The following EPB41L2 variants were observed in gnomAD, a reference collection of about 807,000 sequenced individuals.
The protein encoded by EPB41L2 is erythrocyte membrane protein band 4.1 like 2.
A neutral mutation model predicts 113.0 loss-of-function variants in EPB41L2; 43 were observed. The observed-to-expected ratio is 0.38, with a 90% confidence interval of 0.30 to 0.49. The LOEUF (loss-of-function observed/expected upper bound fraction) is 0.49, where lower values mean the gene tolerates loss of function less well. EPB41L2 is among the 20% of genes least tolerant of loss of function. The pLI is 0.95. For missense variants in EPB41L2, 1,147 were observed against 1,223.4 expected, an observed-to-expected ratio of 0.94 and a Z score of 0.93; for synonymous variants, 442 against 436.7, an observed-to-expected ratio of 1.01 and a Z score of -0.15.
chr6:131,052,959 G>A (rs185945709), intron 1 of EPB41L2, among the ~76,000 whole-genome samples: 326 of 151,980 alleles, frequency 2.1e-3, no homozygotes, highest in Non-Finnish European at 3.6e-3. Flanking sequence ...GCTATGGTGC[G>A]ATCTTGGCTC....
chr6:130,858,604 G>A (rs1021482320), intron 18 of EPB41L2, among the ~76,000 whole-genome samples: 6 of 152,192 alleles, frequency 3.9e-5, no homozygotes, highest in African/African-American at 1.4e-4. Context: ...ATCATTTTAA[G>A]GTTTTCTGTG....
chr6:130,947,017 A>ACCCCCCCCC (rs58960778), intron 3 of EPB41L2, among the ~76,000 whole-genome samples: 7 of 112,026 alleles, frequency 6.2e-5, no homozygotes, highest in African/African-American at 1.7e-4. Flanking sequence ...AATAAAGAAG[A>ACCCCCCCCC]CCCCCCCCCC....
intron 4 of EPB41L2, among the ~76,000 whole-genome samples, chr6:130,912,876 T>G (rs1799856432): frequency 6.6e-6 from 1 of 151,784 alleles, no homozygotes; most frequent in Non-Finnish European, 1.5e-5. Context: ...CGAAATTGAA[T>G]GGCGCCAAAT....
intron 3 of EPB41L2, among the ~76,000 whole-genome samples, chr6:130,947,845 T>C (rs1457761602): frequency 6.6e-6 from 1 of 152,100 alleles, no homozygotes; most frequent in East Asian, 1.9e-4. Flanking sequence ...AAAAGGAAAA[T>C]GCAATAAAAT....
intron 1 of EPB41L2, among the ~76,000 whole-genome samples, chr6:131,044,070 G>A (rs1794973741): frequency 7.1e-6 from 1 of 141,206 alleles, no homozygotes; most frequent in African/African-American, 2.6e-5. Context: ...TGTCCAGGTT[G>A]GAGTGCAGTA....
At position 130,956,036 on chromosome 6, in the gene EPB41L2, C is replaced by A; in HGVS notation, c.450G>T (p.Val150=). ...KVEVKEEKPS[V]SKEEKPSVSK... ...TCACTGAGGGTTTTTCTTCCTTGCTCACTGAGGGTTTTTCTTCCTTGACTT... is the reference window on the plus strand; with the variant it reads ...TCACTGAGGGTTTTTCTTCCTTGCTAACTGAGGGTTTTTCTTCCTTGACTT... Residue 150 remains valine (V), a synonymous_variant, in exon 2 of 20, where the codon GTG becomes GTT. Coordinates refer to ENST00000337057, the MANE Select transcript of EPB41L2 (RefSeq NM_001431.4). 6.2e-7 allele frequency: 1 copy of A among 1,613,650 alleles called. No homozygotes were observed. Among genetic ancestry groups the A allele is most frequent in the South Asian group, 1.1e-5 (1 of 90,956 alleles).
At position 130,960,878 on chromosome 6, in the gene EPB41L2, G is replaced by A. The variant is rs183646793; in HGVS notation, c.-14-4379C>T. 4.4e-4 allele frequency among the ~76,000 whole-genome samples: 67 copies of A among 152,246 alleles called. 1 individual carries two copies. Among genetic ancestry groups the A allele is most frequent in the Admixed American group, 4.0e-3 (61 of 15,284 alleles). On this transcript the variant is annotated intron_variant, in intron 1 of 19. Coordinates refer to ENST00000337057, the MANE Select transcript of EPB41L2 (RefSeq NM_001431.4). ...GGAATGCTGACATTCCCACTAAAAT[G>A]AAAACTCCATGAGGGCTGGGATCTC...
At position 130,954,036 on chromosome 6, in the gene EPB41L2, C is replaced by CTT. The variant is rs1816328530; in HGVS notation, c.705+1067_705+1068dup. 5.7e-4 allele frequency among the ~76,000 whole-genome samples: 26 copies of CTT among 45,522 alleles called. 1 individual carries two copies. The highest frequency in any genetic ancestry group is 1.5e-3 in the African/African-American group (25 of 17,184). 29.9% of individuals were successfully genotyped at this position (45,522 alleles called of 152,430 possible). A position where few individuals can be genotyped will look rare whatever the true frequency, so the allele number is the denominator to read the frequency against. On this transcript the variant is annotated intron_variant, in intron 3 of 19. Coordinates refer to ENST00000337057, the MANE Select transcript of EPB41L2 (RefSeq NM_001431.4). ...TTAATCCTCTTTTGCTAGTCCTTTT[C>CTT]TTTCTTTTTTTTTTTTTTTTTTTTT...
chr6:131,060,651 A>C (rs1798474922), intron 1 of EPB41L2, among the ~76,000 whole-genome samples: 1 of 152,242 alleles, frequency 6.6e-6, no homozygotes, highest in Admixed American at 6.5e-5. Context: ...GGAAACCTCC[A>C]AGTGCTAGCA....
At chr6:131,007,237 T>C (rs144555581) in intron 1 of EPB41L2, among the ~76,000 whole-genome samples, 1 of 152,190 alleles carries the variant, frequency 6.6e-6, no homozygotes, top group Non-Finnish European at 1.5e-5. Flanking sequence ...TGACAGTGAG[T>C]TCTCATAAGA....
In EPB41L2 at chr6:130,956,349, C is replaced by A; in HGVS notation, c.137G>T (p.Gly46Val). The A allele has an allele frequency of 6.2e-7, 1 of 1,614,120 alleles. No individual in the cohort carries two copies. The highest frequency in any genetic ancestry group is 1.1e-5 in the South Asian group (1 of 91,070). ...NQSSDPEEEK[G>V]SQPPPAAESQ... is the part of the protein sequence containing the mutation. ...TTCAGCTGCAGGAGGTGGCTGGGAA[C>A]CTTTTTCCTCCTCTGGATCGGAAGA... Residue 46 changes from glycine to valine, a missense_variant, in exon 2 of 20, where the codon GGT becomes GTT. Transcript: ENST00000337057.
Position 130,895,045 on chromosome 6 carries a change from G to A in EPB41L2, c.1311C>T (p.Ile437=), listed in dbSNP as rs1447289928. 24 of 1,613,882 alleles carry A rather than the reference G, an allele frequency of 1.5e-5. No individual in the cohort carries two copies. The highest frequency in any genetic ancestry group is 1.9e-5 in the Non-Finnish European group (22 of 1,179,948). The part of the protein sequence containing the change: ...GLLIYKDRLR[I]NRFAWPKILK... ...AGATTTTCGGCCAAGCAAAACGATT[G>A]ATTCGCAGTCTGTCTTTGTAAATGA... The change falls in exon 9 of 20, where the codon ATC becomes ATT. Residue 437 remains isoleucine, a synonymous_variant. Coordinates refer to ENST00000337057, the MANE Select transcript of EPB41L2 (RefSeq NM_001431.4).
At position 130,869,911 on chromosome 6, in the gene EPB41L2, C is replaced by G. The variant is rs777538999; in HGVS notation, c.2259G>C (p.Val753=). 1 of 1,612,454 alleles carries G rather than the reference C, an allele frequency of 6.2e-7. No individual in the cohort carries two copies. Among genetic ancestry groups the G allele is most frequent in the Non-Finnish European group, 8.5e-7 (1 of 1,180,016 alleles). ...SSSSESEEED[V]GEYRPHHRVT... ...CTCGGTGGTGGGGACGGTACTCTCC[C>G]ACGTCTTCCTCCTCACTCTCACTGC... The change falls in exon 15 of 20, where the codon GTG becomes GTC. Residue 753 remains valine, a synonymous_variant. Coordinates refer to ENST00000337057, the MANE Select transcript of EPB41L2 (RefSeq NM_001431.4).
chr6:130,899,412 G>A (rs1298811125), intron 8 of EPB41L2, 79 bp downstream of exon 8: 1 of 1,124,222 alleles, frequency 8.9e-7, no homozygotes. Context: ...AATAAGCTGT[G>A]CTATCCTGAA....
chr6:130,899,660 G>A (rs568639680), intron 7 of EPB41L2, 82 bp from the exon 8 acceptor site: 1 of 1,300,380 alleles, frequency 7.7e-7, no homozygotes, highest in African/African-American at 1.5e-5. Flanking sequence ...TCTGTGCTCA[G>A]AGGGTTTGGA....
At chr6:130,853,559 A>G (rs1779365086) in intron 19 of EPB41L2, among the ~76,000 whole-genome samples, 1 of 152,182 alleles carries the variant, frequency 6.6e-6, no homozygotes, top group African/African-American at 2.4e-5. Flanking sequence ...CCTCATCTGA[A>G]GTGTGTTTTC....
chr6:130,866,803 T>G (rs1783892623), intron 16 of EPB41L2, among the ~76,000 whole-genome samples: 1 of 152,246 alleles, frequency 6.6e-6, no homozygotes, highest in African/African-American at 2.4e-5. Context: ...AACATCTTAA[T>G]GCTTATTCCA....
At chr6:130,865,253 T>C (rs7770860) in intron 17 of EPB41L2, among the ~76,000 whole-genome samples, 45,828 of 152,176 alleles carry the variant, frequency 0.3, 8,265 homozygotes, top group East Asian at 0.45. Context: ...TTTGTTTTTA[T>C]AAATTATAAA....
chr6:130,880,679 T>G (rs986451462), intron 12 of EPB41L2: 2 of 414,750 alleles, frequency 4.8e-6, no homozygotes, highest in Non-Finnish European at 8.5e-6. Flanking sequence ...GTACGAATGA[T>G]GGAAATGATC....
Sources: gnomAD v4.1 joint callset for allele counts (sites outside exome capture counted in the v4.1 genomes callset) on GRCh38, gnomAD v4.1.1 for gene constraint, MANE v1.5 for transcripts, NCBI Gene and HGNC (gene_info 2026-07-23, HGNC 2026-07-21) for gene names.